The following ACO2 variants were observed in gnomAD, a reference collection of about 807,000 sequenced individuals.
The protein encoded by ACO2 is aconitase 2.
In ACO2, 31 loss-of-function variants were observed where a neutral mutation model predicts 84.5. That is an observed-to-expected ratio of 0.37 (90% CI 0.28 to 0.50). ACO2 has a LOEUF of 0.50. ACO2 is among the 20% of genes least tolerant of loss of function. The pLI is 0.97. For synonymous variants in ACO2, 414 were observed against 412.7 expected, an observed-to-expected ratio of 1.00 and a Z score of -0.04; for missense variants, 685 against 1,029.3, an observed-to-expected ratio of 0.67 and a Z score of 4.58.
intron 1 of ACO2, among the ~76,000 whole-genome samples, chr22:41,494,437 G>T (rs1239924228): frequency 4.1e-5 from 6 of 146,842 alleles, no homozygotes; most frequent in Non-Finnish European, 7.4e-5. Context: ...TTGAGTCAGA[G>T]TTTCGCTCTT....
At position 41,515,674 on chromosome 22, in the gene ACO2, G is replaced by A. The variant is rs1351067624; in HGVS notation, c.685-93G>A. 2.5e-6 allele frequency: 4 copies of A among 1,601,648 alleles called. No individual in the cohort carries two copies. Among genetic ancestry groups the A allele is most frequent in the Admixed American group, 3.3e-5 (2 of 59,836 alleles). The stretch of plus-strand genomic sequence containing the variant: ...CTGGGAGGGAGGTAGAGACCAATAA[G>A]CAGCAATGTGAATGGCAGCAGGGCC... On this transcript the variant is annotated intron_variant, in intron 5 of 17. Coordinates refer to ENST00000216254, the MANE Select transcript of ACO2 (RefSeq NM_001098.3). This position sits in a 1 kb window ranked among gnomAD's most constrained non-coding sequence, Gnocchi z 5.8.
rs926246283 is a variant in ACO2 at position 41,504,711 on chromosome 22, C to CTTTTTTTTTTTTTTTTTT, written c.174-3067_174-3050dup. On this transcript the variant is annotated intron_variant, in intron 2 of 17. Coordinates refer to ENST00000216254, the MANE Select transcript of ACO2 (RefSeq NM_001098.3). ...GCCAGCAGATCCAGCACCTTAGGGA[C>CTTTTTTTTTTTTTTTTTT]TTTTTTTTTTTTTTTTTTTTTTTTT... is the stretch of plus-strand genomic sequence containing the variant. Among the ~76,000 whole-genome samples the CTTTTTTTTTTTTTTTTTT allele has an allele frequency of 4.1e-5, 2 of 48,604 alleles. 1 individual carries two copies. The highest frequency in any genetic ancestry group is 1.5e-4 in the African/African-American group (2 of 12,910). The allele number at this position is 48,604 out of a possible 152,430, so 31.9% of individuals were successfully genotyped here.
At chr22:41,503,822 C>T (rs1322191031) in intron 2 of ACO2, among the ~76,000 whole-genome samples, 1 of 152,136 alleles carries the variant, frequency 6.6e-6, no homozygotes, top group Non-Finnish European at 1.5e-5. Context: ...AGGGCAGCCC[C>T]ACAACAAAAG....
chr22:41,479,276 C>T lies in ACO2; in HGVS notation c.36+10094C>T, dbSNP rs768522819. Among the ~76,000 whole-genome samples the T allele has an allele frequency of 8.5e-5, 13 of 152,226 alleles. No individual in the cohort carries two copies. In the East Asian group the frequency reaches 9.6e-4, roughly 11 times the overall value. On this transcript the variant is annotated intron_variant, in intron 1 of 17. Transcript: ENST00000216254. ...AGATGCCCATCCAGGCCTGGAGGAG[C>T]GGAGAAACGCATTACCCACCATCTG...
chr22:41,521,261 T>G (rs2066524616), intron 9 of ACO2: 2 of 152,244 alleles, frequency 1.3e-5, no homozygotes, highest in African/African-American at 4.8e-5. Flanking sequence ...ATATCACCCA[T>G]GCTGCTTTAT....
chr22:41,470,946 A>T (rs1323289260), intron 1 of ACO2, among the ~76,000 whole-genome samples: 1 of 152,184 alleles, frequency 6.6e-6, no homozygotes, highest in African/African-American at 2.4e-5. Flanking sequence ...AAGATAAATG[A>T]TTATAGAGTT....
intron 1 of ACO2, among the ~76,000 whole-genome samples, chr22:41,487,869 A>G (rs1037552394): frequency 6.6e-6 from 1 of 151,988 alleles, no homozygotes; most frequent in African/African-American, 2.4e-5. Context: ...ATAGCAACCC[A>G]TTTTCCCAGT....
At chr22:41,528,395 A>T in intron 17 of ACO2, 84 bp from the exon 18 acceptor site, 3 of 1,552,548 alleles carry the variant, frequency 1.9e-6, no homozygotes, top group Non-Finnish European at 2.6e-6. Flanking sequence ...GTCCCCAGGC[A>T]GTGCCCTGTC....
intron 1 of ACO2, among the ~76,000 whole-genome samples, chr22:41,476,462 T>A (rs950289675): frequency 5.3e-5 from 7 of 132,006 alleles, no homozygotes; most frequent in African/African-American, 1.7e-4. Context: ...AATCCCAGCA[T>A]TTTGGGAGGC....
chr22:41,506,313 C>T (rs1208231325), intron 2 of ACO2, among the ~76,000 whole-genome samples: 13 of 151,522 alleles, frequency 8.6e-5, no homozygotes, highest in African/African-American at 1.5e-4. Flanking sequence ...AGTGCAGTGG[C>T]GCTATCTCAG....
chr22:41,505,888 G>A (rs2066389444), intron 2 of ACO2, among the ~76,000 whole-genome samples: 1 of 152,068 alleles, frequency 6.6e-6, no homozygotes, highest in African/African-American at 2.4e-5. Context: ...CCTTAAATAT[G>A]CAGTTTATTG....
At chr22:41,519,332 A>G (rs766383022) in intron 8 of ACO2, among the ~76,000 whole-genome samples, 4 of 152,214 alleles carry the variant, frequency 2.6e-5, no homozygotes, top group Non-Finnish European at 4.4e-5. Context: ...TCACGCACTT[A>G]GCCTCTGTAG....
At chr22:41,481,287 A>G (rs1425294287) in intron 1 of ACO2, among the ~76,000 whole-genome samples, 2 of 152,144 alleles carry the variant, frequency 1.3e-5, no homozygotes, top group Non-Finnish European at 1.5e-5. Flanking sequence ...TGTTTCCATG[A>G]TGGCACTCTG....
chr22:41,527,862 A>G, intron 16 of ACO2, 39 bp from the exon 17 acceptor site: 1 of 1,614,000 alleles, frequency 6.2e-7, no homozygotes, highest in Admixed American at 1.7e-5. Flanking sequence ...TCTCCAGGCT[A>G]GTCAGGCCCC....
intron 1 of ACO2, among the ~76,000 whole-genome samples, chr22:41,489,187 C>T (rs915877601): frequency 3.9e-5 from 6 of 152,106 alleles, no homozygotes; most frequent in Non-Finnish European, 7.4e-5. Flanking sequence ...GGACTACAGG[C>T]GTGTGCCACC....
Position 41,528,700 on chromosome 22 carries a change from C to G in ACO2, c.*87C>G. 1.3e-6 allele frequency: 2 copies of G among 1,528,042 alleles called. No individual in the cohort carries two copies. The highest frequency in any genetic ancestry group is 2.5e-5 in the South Asian group (2 of 80,754). 94.7% of individuals were successfully genotyped at this position (1,528,042 alleles called of 1,614,324 possible). A position where few individuals can be genotyped will look rare whatever the true frequency, so the allele number is the denominator to read the frequency against. On this transcript the variant is annotated 3_prime_UTR_variant, in exon 18 of 18. Transcript: ENST00000216254. ...ATCCGATCCGTCCAGCCATGGCTTC[C>G]TATTCCAAGATGGTGTGACCAGACA...
At chr22:41,518,398 C>T in intron 7 of ACO2, 83 bp from the exon 8 acceptor site, 1 of 1,040,324 alleles carries the variant, frequency 9.6e-7, no homozygotes, top group South Asian at 1.3e-5. Context: ...TGGTGTTTGG[C>T]AGGTGCTCAG....
chr22:41,517,257 G>T (rs778647129), intron 6 of ACO2: 24 of 440,224 alleles, frequency 5.5e-5, no homozygotes, highest in Non-Finnish European at 1.0e-4. Flanking sequence ...TCAGTGTGTG[G>T]GGGCTGAATC....
At chr22:41,519,270 C>T (rs953500882) in intron 8 of ACO2, among the ~76,000 whole-genome samples, 11 of 152,280 alleles carry the variant, frequency 7.2e-5, no homozygotes, top group East Asian at 3.9e-4. Flanking sequence ...TAGAGGATCC[C>T]GTCTGCAGGA....
Sources: gnomAD v4.1 joint callset for allele counts (sites outside exome capture counted in the v4.1 genomes callset) on GRCh38, gnomAD v4.1.1 for gene constraint, Gnocchi (gnomAD v3.1) non-coding constraint, MANE v1.5 for transcripts, NCBI Gene and HGNC (gene_info 2026-07-23, HGNC 2026-07-21) for gene names.